Variants in LIPG observed in about 807,000 individuals in gnomAD.
The protein encoded by LIPG is lipase G, endothelial type.
Under a neutral mutation model 51.8 loss-of-function variants are expected in LIPG, and 34 were observed. The ratio of observed to expected loss-of-function variants is 0.66; its 90% CI spans 0.50 to 0.87. LIPG has a LOEUF of 0.87. LIPG is among the 40% of genes least tolerant of loss of function. The pLI is 0.00. For missense variants in LIPG, 580 were observed against 652.7 expected (o/e 0.89, Z 1.21); for synonymous variants, 246 against 246.1 (o/e 1.00, Z 0.00).
intron 2 of LIPG, among the ~76,000 whole-genome samples, chr18:49,565,719 T>G: frequency 6.6e-6 from 1 of 152,140 alleles, no homozygotes; most frequent in East Asian, 1.9e-4. Flanking sequence ...ACAACGGGCT[T>G]TCAGAAAGTG....
chr18:49,570,058 A>C (rs2084647441), intron 4 of LIPG, among the ~76,000 whole-genome samples: 1 of 152,242 alleles, frequency 6.6e-6, no homozygotes, highest in African/African-American at 2.4e-5. Context: ...AAGAATGAAT[A>C]GTAGATTTTA....
At chr18:49,590,173 T>TTGTGTG (rs57137391) in intron 9 of LIPG, 52,756 of 370,340 alleles carry the variant, frequency 0.14, 2,493 homozygotes, top group Admixed American at 0.2. Flanking sequence ...GTGTCCATGA[T>TTGTGTG]TGTGTGTGTG....
chr18:49,581,784 A>G lies in LIPG; in HGVS notation c.1036+127A>G. On this transcript the variant is annotated intron_variant, in intron 6 of 9. Coordinates refer to ENST00000261292, the MANE Select transcript of LIPG (RefSeq NM_006033.4). ...CAGCACAATCCAATCAAATCGTTGCAAATCAGATTACACTGTGCATGTCCT... is the reference window on the plus strand; with the variant it reads ...CAGCACAATCCAATCAAATCGTTGCGAATCAGATTACACTGTGCATGTCCT... 3 of 1,186,876 alleles carry G rather than the reference A, an allele frequency of 2.5e-6. No homozygotes were observed. In the South Asian group the frequency reaches 3.7e-5, roughly 15 times the overall value. The allele number at this position is 1,186,876 out of a possible 1,614,324, so 73.5% of individuals were successfully genotyped here. A position where few individuals can be genotyped will look rare whatever the true frequency, so the allele number is the denominator to read the frequency against.
In LIPG at chr18:49,595,895, G is replaced by A. The variant is rs1242953814; in HGVS notation, c.*5373G>A. 6.6e-6 allele frequency: 1 copy of A among 152,136 alleles called. No homozygotes were observed. Among genetic ancestry groups the A allele is most frequent in the Non-Finnish European group, 1.5e-5 (1 of 68,026 alleles). The allele number at this position is 152,136 out of a possible 1,614,324, so 9.4% of individuals were successfully genotyped here. A position where few individuals can be genotyped will look rare whatever the true frequency, so the allele number is the denominator to read the frequency against. Reference sequence around the variant, plus strand: ...ACATATATGCGGAAATTTTATGTATGATAAAAGGGGCCTATTAGTCTTTGG... The same window carrying A: ...ACATATATGCGGAAATTTTATGTATAATAAAAGGGGCCTATTAGTCTTTGG... On this transcript the variant is annotated 3_prime_UTR_variant, in exon 10 of 10. Coordinates refer to ENST00000261292, the MANE Select transcript of LIPG (RefSeq NM_006033.4).
intron 5 of LIPG, among the ~76,000 whole-genome samples, chr18:49,579,793 CT>C (rs778508578): frequency 5.7e-5 from 8 of 139,270 alleles, no homozygotes; most frequent in Non-Finnish European, 9.0e-5. Context: ...CTTTTCTTTT[CT>C]TTTCTTTTCT....
chr18:49,572,419 A>T (rs1170527504), intron 4 of LIPG, among the ~76,000 whole-genome samples: 2 of 152,158 alleles, frequency 1.3e-5, no homozygotes, highest in African/African-American at 2.4e-5. Flanking sequence ...AACCCTGAAC[A>T]TTCTACGGAG....
At position 49,569,608 on chromosome 18, in the gene LIPG, A is replaced by C. The variant is rs1320699; in HGVS notation, c.571+60A>C. 1.4e-5 allele frequency: 19 copies of C among 1,316,936 alleles called. No individual in the cohort carries two copies. In the Admixed American group the frequency reaches 3.3e-4, roughly 23 times the overall value. The allele number at this position is 1,316,936 out of a possible 1,614,324, so 81.6% of individuals were successfully genotyped here. ...AGCTGCGCTAAGCCGGAATGCTCCCAAATGAGGCAGCAGAGTGAGTCATAG... is the reference window on the plus strand; with the variant it reads ...AGCTGCGCTAAGCCGGAATGCTCCCCAATGAGGCAGCAGAGTGAGTCATAG... On this transcript the variant is annotated intron_variant, in intron 4 of 9. Transcript: ENST00000261292.
chr18:49,573,081 C>G (rs1021214812), intron 4 of LIPG, among the ~76,000 whole-genome samples: 4 of 152,324 alleles, frequency 2.6e-5, no homozygotes, highest in South Asian at 2.1e-4. Flanking sequence ...TGCCAGCCAG[C>G]CTGTGAAACC....
At chr18:49,582,605 G>C in intron 7 of LIPG, 123 bp downstream of exon 7, 2 of 1,295,348 alleles carry the variant, frequency 1.5e-6, no homozygotes, top group South Asian at 1.2e-5. Flanking sequence ...ACTGCTCAGG[G>C]AGGAGCCAGG....
At chr18:49,571,667 C>T (rs1450726763) in intron 4 of LIPG, among the ~76,000 whole-genome samples, 1 of 152,164 alleles carries the variant, frequency 6.6e-6, no homozygotes, top group African/African-American at 2.4e-5. Context: ...TGGTAGACTT[C>T]TCATGGACCT....
intron 7 of LIPG, 76 bp downstream of exon 7, chr18:49,582,558 G>T (rs141025582): frequency 1.9e-6 from 3 of 1,581,368 alleles, no homozygotes; most frequent in African/African-American, 1.3e-5. Flanking sequence ...ACAAGGGAGC[G>T]TGTGAACGAG....
intron 9 of LIPG, among the ~76,000 whole-genome samples, chr18:49,588,704 C>T (rs901133411): frequency 2.6e-4 from 40 of 152,116 alleles, no homozygotes; most frequent in African/African-American, 8.9e-4. Flanking sequence ...TGCTGCAATC[C>T]GTTATTTCAG....
chr18:49,576,904 A>G (rs1261673221), intron 5 of LIPG, among the ~76,000 whole-genome samples: 2 of 152,256 alleles, frequency 1.3e-5, no homozygotes, highest in African/African-American at 2.4e-5. Flanking sequence ...GTGCCACTGC[A>G]TCTTGCTGTT....
At chr18:49,585,133 C>T (rs1022609403) in intron 8 of LIPG, among the ~76,000 whole-genome samples, 5 of 152,228 alleles carry the variant, frequency 3.3e-5, no homozygotes, top group African/African-American at 1.2e-4. Context: ...ACAATCTTGG[C>T]TCACTGCAAA....
At chr18:49,577,473 G>C (rs1425414918) in intron 5 of LIPG, among the ~76,000 whole-genome samples, 84 of 145,512 alleles carry the variant, frequency 5.8e-4, no homozygotes, top group African/African-American at 2.2e-3. Context: ...CACCTTTCCC[G>C]CCTTTCTATT....
Position 49,583,560 on chromosome 18 carries a change from G to A in LIPG, c.1162G>A (p.Glu388Lys). Residue 388 changes from glutamate to lysine, a missense_variant, in exon 8 of 10, where the codon GAG becomes AAG. Physicochemically the swap from Glu to Lys is moderately conservative, Grantham distance 56. Transcript: ENST00000261292. Reference sequence around the variant, plus strand: ...CAGCTTCTCTCCCACTTGTAGAGTGGAGCGGATCGAGCAGAATGCCACCAA... The same window carrying A: ...CAGCTTCTCTCCCACTTGTAGAGTGAAGCGGATCGAGCAGAATGCCACCAA... ...DSQTLPLEIVERIEQNATNTF... is the reference protein window; with the variant it reads ...DSQTLPLEIVKRIEQNATNTF... 1 of 1,614,008 alleles carries A rather than the reference G, an allele frequency of 6.2e-7. No individual in the cohort carries two copies. Among genetic ancestry groups the A allele is most frequent in the South Asian group, 1.1e-5 (1 of 91,066 alleles).
chr18:49,584,344 GT>G (rs1202652762), intron 8 of LIPG, among the ~76,000 whole-genome samples: 4 of 152,232 alleles, frequency 2.6e-5, no homozygotes, highest in Admixed American at 6.5e-5. Flanking sequence ...CTAGCTGGCA[GT>G]TTCCCATTTC....
At chr18:49,564,886 C>A (rs758499268) in intron 1 of LIPG, among the ~76,000 whole-genome samples, 8 of 152,182 alleles carry the variant, frequency 5.3e-5, no homozygotes, top group Non-Finnish European at 5.9e-5. Context: ...GCCCCACTGG[C>A]AGCATTATAT....
At chr18:49,583,297 T>C (rs1179731160) in intron 7 of LIPG, among the ~76,000 whole-genome samples, 1 of 152,090 alleles carries the variant, frequency 6.6e-6, no homozygotes, top group Non-Finnish European at 1.5e-5. Flanking sequence ...GTAGCATAAG[T>C]GGGGTGGAGG....
Sources: gnomAD v4.1 joint callset for allele counts (sites outside exome capture counted in the v4.1 genomes callset) on GRCh38, gnomAD v4.1.1 for gene constraint, MANE v1.5 for transcripts, NCBI Gene and HGNC (gene_info 2026-07-23, HGNC 2026-07-21) for gene names.